BTRC: variants seen among roughly 807,000 people sequenced by gnomAD.
BTRC encodes the protein beta-transducin repeat containing E3 ubiquitin protein ligase.
A neutral mutation model predicts 85.5 loss-of-function variants in BTRC; 42 were observed. The observed-to-expected ratio is 0.49, with a 90% CI of 0.38 to 0.64. The LOEUF (loss-of-function observed/expected upper bound fraction) is 0.64. Among genes scored for constraint, BTRC ranks in the 30% least tolerant of loss-of-function variants. The pLI, the probability that BTRC is intolerant of heterozygous loss-of-function variation, is 0.00. For missense variants in BTRC, 594 were observed against 743.5 expected, an observed-to-expected ratio of 0.80 and a Z score of 2.34; for synonymous variants, 255 against 263.3, an observed-to-expected ratio of 0.97 and a Z score of 0.30.
chr10:101,519,966 G>A (rs117923713), intron 4 of BTRC, among the ~76,000 whole-genome samples: 1 of 152,120 alleles, frequency 6.6e-6, no homozygotes, highest in Non-Finnish European at 1.5e-5. Flanking sequence ...TTGCACTCCA[G>A]TGTGGGCAAC....
At chr10:101,518,428 T>C (rs2062054650) in intron 4 of BTRC, among the ~76,000 whole-genome samples, 2 of 152,124 alleles carry the variant, frequency 1.3e-5, no homozygotes, top group Admixed American at 1.3e-4. Context: ...CTCTAAGGAG[T>C]AAGCAGAAGT....
chr10:101,544,046 A>T (rs528104972), intron 13 of BTRC, among the ~76,000 whole-genome samples: 1 of 152,206 alleles, frequency 6.6e-6, no homozygotes, highest in East Asian at 1.9e-4. Flanking sequence ...AGTAGCTGGG[A>T]CTACAGGCGC....
intron 1 of BTRC, among the ~76,000 whole-genome samples, chr10:101,395,718 A>C: frequency 6.6e-6 from 1 of 152,090 alleles, no homozygotes; most frequent in Admixed American, 6.5e-5. Context: ...CATACTACAA[A>C]ATTTATTAAA....
At chr10:101,500,161 A>G (rs555645452) in intron 4 of BTRC, among the ~76,000 whole-genome samples, 6 of 151,984 alleles carry the variant, frequency 3.9e-5, no homozygotes, top group Non-Finnish European at 7.4e-5. Context: ...TTGTATTGCA[A>G]ACATTATAGA....
intron 4 of BTRC, among the ~76,000 whole-genome samples, chr10:101,496,158 G>A (rs891320790): frequency 1.3e-5 from 2 of 151,584 alleles, no homozygotes; most frequent in African/African-American, 4.9e-5. Context: ...GTGAACATTG[G>A]GTTTCTTTCA....
chr10:101,406,200 G>A (rs945419716), intron 1 of BTRC, among the ~76,000 whole-genome samples: 2 of 146,352 alleles, frequency 1.4e-5, no homozygotes, highest in Non-Finnish European at 3.0e-5. Flanking sequence ...TTTTTGAGAT[G>A]GAGTCTCGCT....
At chr10:101,428,051 T>C (rs1017266397) in intron 1 of BTRC, among the ~76,000 whole-genome samples, 4 of 152,170 alleles carry the variant, frequency 2.6e-5, no homozygotes, top group African/African-American at 9.7e-5. Context: ...CTCCTTCCAA[T>C]GTGAGAATCT....
At chr10:101,380,815 A>G (rs1942910131) in intron 1 of BTRC, among the ~76,000 whole-genome samples, 1 of 152,174 alleles carries the variant, frequency 6.6e-6, no homozygotes, top group Non-Finnish European at 1.5e-5. Context: ...TGAGAAATAC[A>G]TTGTTAGGTG....
intron 2 of BTRC, among the ~76,000 whole-genome samples, chr10:101,434,564 A>G (rs960616701): frequency 2.0e-5 from 3 of 152,184 alleles, no homozygotes; most frequent in African/African-American, 7.2e-5. Flanking sequence ...AATATGAACC[A>G]TAAAAGAAAT....
At chr10:101,527,943 G>A (rs998780961) in intron 6 of BTRC, among the ~76,000 whole-genome samples, 1 of 152,008 alleles carries the variant, frequency 6.6e-6, no homozygotes, top group African/African-American at 2.4e-5. Flanking sequence ...GTACAACAAA[G>A]CAAATAAAAA....
intron 2 of BTRC, among the ~76,000 whole-genome samples, chr10:101,454,265 T>G (rs1945019782): frequency 6.6e-6 from 1 of 152,208 alleles, no homozygotes; most frequent in African/African-American, 2.4e-5. Context: ...TCAATCTTAC[T>G]GGTTAGTCGA....
rs1466697242 is a variant in BTRC, at chr10:101,532,552, G to T, written c.978+120G>T. On this transcript the variant is annotated intron_variant, in intron 8 of 14. Coordinates refer to ENST00000370187, the MANE Select transcript of BTRC (RefSeq NM_033637.4). ...AGAAAGTAAGTGAAGATTTTAGATTGTTTCCAGTCCCAAAGCCAAAATCAT... is the reference window on the plus strand; with the variant it reads ...AGAAAGTAAGTGAAGATTTTAGATTTTTTCCAGTCCCAAAGCCAAAATCAT... The T allele has an allele frequency of 2.3e-6, 3 of 1,324,858 alleles. No homozygotes were observed. In the East Asian group the frequency reaches 7.6e-5, roughly 33 times the overall value. 82.1% of individuals were successfully genotyped at this position (1,324,858 alleles called of 1,614,324 possible). A position where few individuals can be genotyped will look rare whatever the true frequency, so the allele number is the denominator to read the frequency against.
At chr10:101,534,974 C>G in intron 10 of BTRC, 64 bp downstream of exon 10, 1 of 1,544,436 alleles carries the variant, frequency 6.5e-7, no homozygotes, top group South Asian at 1.1e-5. Flanking sequence ...AAAATTTGAT[C>G]AAGGGCAATT....
intron 2 of BTRC, among the ~76,000 whole-genome samples, chr10:101,455,218 T>A (rs906052201): frequency 3.6e-5 from 2 of 55,964 alleles, no homozygotes; most frequent in Non-Finnish European, 1.2e-4. Context: ...GCCCAGCTAA[T>A]TTTTTTTTTT....
At chr10:101,459,605 T>C (rs1945170021) in intron 2 of BTRC, among the ~76,000 whole-genome samples, 1 of 152,212 alleles carries the variant, frequency 6.6e-6, no homozygotes, top group Non-Finnish European at 1.5e-5. Context: ...CATTTTTTGT[T>C]TAAGAGTTAT....
chr10:101,445,118 G>T (rs915785768), intron 2 of BTRC, among the ~76,000 whole-genome samples: 1 of 152,100 alleles, frequency 6.6e-6, no homozygotes, highest in Admixed American at 6.5e-5. Context: ...GTTATTAATG[G>T]CATTGAAGAT....
chr10:101,354,766 T>G (rs2134451459), intron 1 of BTRC, among the ~76,000 whole-genome samples: 1 of 152,036 alleles, frequency 6.6e-6, no homozygotes, highest in Non-Finnish European at 1.5e-5. Context: ...GGCTTATAGT[T>G]TTGTAGAATG....
intron 4 of BTRC, among the ~76,000 whole-genome samples, chr10:101,493,865 G>A (rs1275907004): frequency 6.6e-6 from 1 of 152,154 alleles, no homozygotes; most frequent in Admixed American, 6.5e-5. Context: ...TAAAACTGTG[G>A]CTTAATTAAT....
chr10:101,391,696 T>C (rs1943240262), intron 1 of BTRC, among the ~76,000 whole-genome samples: 1 of 152,210 alleles, frequency 6.6e-6, no homozygotes, highest in African/African-American at 2.4e-5. Flanking sequence ...ATTTTAAGGA[T>C]TTATCCTAAA....
Sources: gnomAD v4.1 joint callset for allele counts (sites outside exome capture counted in the v4.1 genomes callset) on GRCh38, gnomAD v4.1.1 for gene constraint, MANE v1.5 for transcripts, NCBI Gene and HGNC (gene_info 2026-07-23, HGNC 2026-07-21) for gene names.